Variants in ATP11A observed in about 807,000 individuals in gnomAD.
The protein encoded by ATP11A is ATPase phospholipid transporting 11A.
A neutral mutation model predicts 154.4 loss-of-function variants in ATP11A; 81 were observed. The ratio of observed to expected loss-of-function variants is 0.52; its 90% CI spans 0.44 to 0.63. The LOEUF (loss-of-function observed/expected upper bound fraction) is 0.63, where lower values mean the gene tolerates loss of function less well. ATP11A is among the 30% of genes least tolerant of loss of function. The probability of loss-of-function intolerance (pLI) is 0.00; values close to 1 mark genes in which losing one functional copy is unlikely to be tolerated. For synonymous variants in ATP11A, 623 were observed against 585.9 expected (o/e 1.06, Z -0.91); for missense variants, 1,316 against 1,474.3 (o/e 0.89, Z 1.76).
intron 1 of ATP11A, among the ~76,000 whole-genome samples, chr13:112,761,145 G>A (rs1034993096): frequency 6.6e-6 from 1 of 152,102 alleles, no homozygotes; most frequent in Admixed American, 6.5e-5. Context: ...TCGGTTATCA[G>A]ATCCGTGGTC....
In ATP11A at chr13:112,734,672, G is replaced by A. The variant is rs1890816636; in HGVS notation, c.39+44217G>A. On this transcript the variant is annotated intron_variant, in intron 1 of 29. Coordinates refer to ENST00000375645, the MANE Select transcript of ATP11A (RefSeq NM_015205.3). ...TTTTCATAAATTAGTGGTTTTCAAA[G>A]TGGATAGCAATATGAATATTTCTCT... Among the ~76,000 whole-genome samples the A allele has an allele frequency of 1.3e-5, 2 of 152,212 alleles. 1 individual carries two copies. Among genetic ancestry groups the A allele is most frequent in the Non-Finnish European group, 2.9e-5 (2 of 68,044 alleles).
intron 8 of ATP11A, among the ~76,000 whole-genome samples, chr13:112,822,669 T>A (rs539450226): frequency 2.3e-4 from 35 of 149,880 alleles, no homozygotes; most frequent in African/African-American, 7.7e-4. Context: ...CAAGTTCACC[T>A]GAGCCCAGGA....
intron 1 of ATP11A, among the ~76,000 whole-genome samples, chr13:112,707,930 CT>C (rs1887331913): frequency 6.6e-6 from 1 of 152,210 alleles, no homozygotes; most frequent in African/African-American, 2.4e-5. Flanking sequence ...ACCATTACAT[CT>C]TGAGAAGTAT....
At chr13:112,757,845 CAT>C (rs768172813) in intron 1 of ATP11A, among the ~76,000 whole-genome samples, 28 of 152,346 alleles carry the variant, frequency 1.8e-4, no homozygotes, top group Admixed American at 1.2e-3. Context: ...AGGATGGCGT[CAT>C]GTGTGTGCGG....
intron 2 of ATP11A, among the ~76,000 whole-genome samples, chr13:112,794,677 G>A (rs1425865133): frequency 6.6e-6 from 1 of 152,070 alleles, no homozygotes; most frequent in South Asian, 2.1e-4. Context: ...AGACAAGCCT[G>A]GCCAACATGG....
rs555763617 is a variant in ATP11A at position 112,876,122 on chromosome 13, C to T, written c.3327+181C>T. On this transcript the variant is annotated intron_variant, in intron 28 of 29. Coordinates refer to ENST00000375645, the MANE Select transcript of ATP11A (RefSeq NM_015205.3). ...AAACATCAGGTACATTTGCGATGACCGATGTCTAATTTTATGTTTCAACCT... is the reference window on the plus strand; with the variant it reads ...AAACATCAGGTACATTTGCGATGACTGATGTCTAATTTTATGTTTCAACCT... 1.5e-5 allele frequency: 8 copies of T among 536,582 alleles called. No individual in the cohort carries two copies. The South Asian group carries it at 3.3e-4, about 22-fold the overall frequency. 33.2% of individuals were successfully genotyped at this position (536,582 alleles called of 1,614,324 possible). A position where few individuals can be genotyped will look rare whatever the true frequency, so the allele number is the denominator to read the frequency against.
At chr13:112,866,004 T>A (rs750235196) in intron 25 of ATP11A, among the ~76,000 whole-genome samples, 2 of 152,266 alleles carry the variant, frequency 1.3e-5, no homozygotes, top group Non-Finnish European at 2.9e-5. Context: ...AGTACCATAC[T>A]TAGTCGTCTT....
intron 25 of ATP11A, among the ~76,000 whole-genome samples, chr13:112,869,776 T>C (rs1188594994): frequency 6.6e-6 from 1 of 152,248 alleles, no homozygotes; most frequent in Non-Finnish European, 1.5e-5. Context: ...AGCACCTTGC[T>C]GGCCACATGT....
At chr13:112,833,109 C>T (rs1370116580) in intron 14 of ATP11A, 86 bp downstream of exon 14, 9 of 1,506,922 alleles carry the variant, frequency 6.0e-6, no homozygotes, top group Non-Finnish European at 8.1e-6. Context: ...CACCTAGAGG[C>T]GTCCTCAGCC....
rs143496402 is a variant in ATP11A at position 112,881,880 on chromosome 13, C to T, written c.*14C>T. On this transcript the variant is annotated 3_prime_UTR_variant, in exon 30 of 30. Transcript: ENST00000375645. ...ACCCCTCTTGCCTCTCTGCAGAGCCCAGGCTACCAGAGCACCTGTCCCTCG... is the reference window on the plus strand; with the variant it reads ...ACCCCTCTTGCCTCTCTGCAGAGCCTAGGCTACCAGAGCACCTGTCCCTCG... 1.5e-6 allele frequency: 2 copies of T among 1,367,818 alleles called. No homozygotes were observed. Among genetic ancestry groups the T allele is most frequent in the Non-Finnish European group, 2.0e-6 (2 of 1,021,982 alleles). The allele number at this position is 1,367,818 out of a possible 1,614,324, so 84.7% of individuals were successfully genotyped here.
rs759900395 is a variant in ATP11A, at chr13:112,855,950, C to T, written c.2283C>T (p.Asp761=). Residue 761 remains aspartate (D), a synonymous_variant, in exon 20 of 30, where the codon GAC becomes GAT. Coordinates refer to ENST00000375645, the MANE Select transcript of ATP11A (RefSeq NM_015205.3). The part of the protein sequence containing the change: ...ADMQDYGLII[D]GAALSLIMKP... Reference sequence around the variant, plus strand: ...TGCAGGACTACGGTTTAATTATCGACGGAGCTGCACTGTCTCTGATAATGA... The same window carrying T: ...TGCAGGACTACGGTTTAATTATCGATGGAGCTGCACTGTCTCTGATAATGA... 6.8e-6 allele frequency: 11 copies of T among 1,613,668 alleles called. No individual in the cohort carries two copies. The highest frequency in any genetic ancestry group is 1.7e-5 in the Admixed American group (1 of 59,908).
At position 112,690,319 on chromosome 13, in the gene ATP11A, AGCGGGGGGC is replaced by A; in HGVS notation, c.-93_-85del. 1 of 942,904 alleles carries A rather than the reference AGCGGGGGGC, an allele frequency of 1.1e-6. No homozygotes were observed. Among genetic ancestry groups the A allele is most frequent in the Non-Finnish European group, 1.3e-6 (1 of 749,270 alleles). 58.4% of individuals were successfully genotyped at this position (942,904 alleles called of 1,614,324 possible). A position where few individuals can be genotyped will look rare whatever the true frequency, so the allele number is the denominator to read the frequency against. Reference sequence around the variant, plus strand: ...CCCGGCGCGCCGAGGCCGTGACCGGAGCGGGGGGCGCGGCCGCACTAGTACCCCGGAGCC... The same window carrying A: ...CCCGGCGCGCCGAGGCCGTGACCGGAGCGGCCGCACTAGTACCCCGGAGCC... On this transcript the variant is annotated 5_prime_UTR_variant, in exon 1 of 30. Coordinates refer to ENST00000375645, the MANE Select transcript of ATP11A (RefSeq NM_015205.3). This position sits in a 1 kb window ranked among gnomAD's most constrained non-coding sequence, Gnocchi z 5.6.
chr13:112,716,327 A>G (rs1888459260), intron 1 of ATP11A, among the ~76,000 whole-genome samples: 1 of 152,078 alleles, frequency 6.6e-6, no homozygotes, highest in Non-Finnish European at 1.5e-5. Flanking sequence ...AGCTGTGGGA[A>G]CCCGTGGGAA....
At chr13:112,820,726 A>G (rs886561299) in intron 8 of ATP11A, among the ~76,000 whole-genome samples, 1 of 152,234 alleles carries the variant, frequency 6.6e-6, no homozygotes, top group Non-Finnish European at 1.5e-5. Context: ...ATTGGCTTTC[A>G]CTGGATTTTA....
intron 1 of ATP11A, among the ~76,000 whole-genome samples, chr13:112,778,798 C>T (rs1246715150): frequency 1.0e-5 from 1 of 99,984 alleles, no homozygotes; most frequent in Non-Finnish European, 2.0e-5. Context: ...GAGGAGTAGC[C>T]GCTGGAGTGA....
In ATP11A at chr13:112,832,962, A is replaced by C. The variant is rs751984887; in HGVS notation, c.1498A>C (p.Lys500Gln). 4 of 1,613,544 alleles carry C rather than the reference A, an allele frequency of 2.5e-6. No homozygotes were observed. Among genetic ancestry groups the C allele is most frequent in the Non-Finnish European group, 3.4e-6 (4 of 1,179,824 alleles). ...CCCCAGGAAATCGCCGGACGGGGGGAAATCCTGTGTGTACATCTCATCCTC... is the reference window on the plus strand; with the variant it reads ...CCCCAGGAAATCGCCGGACGGGGGGCAATCCTGTGTGTACATCTCATCCTC... ...DGPRKSPDGG[K>Q]SCVYISSSPD... is the part of the protein sequence containing the mutation. Residue 500 changes from lysine (K) to glutamine (Q), a missense_variant, in exon 14 of 30, where the codon AAA becomes CAA. Around this residue, in one of 5 missense-constraint regions of ATP11A, gnomAD observed 876 missense variants for 1,006.8 expected, o/e 0.87. Coordinates refer to ENST00000375645, the MANE Select transcript of ATP11A (RefSeq NM_015205.3).
intron 8 of ATP11A, among the ~76,000 whole-genome samples, chr13:112,822,277 C>T (rs2078816605): frequency 1.3e-5 from 2 of 152,110 alleles, no homozygotes; most frequent in South Asian, 2.1e-4. Context: ...ATTATTTTTC[C>T]ATCAGCAGGG....
intron 25 of ATP11A, among the ~76,000 whole-genome samples, chr13:112,867,052 G>A (rs965402378): frequency 9.9e-4 from 3 of 3,034 alleles, no homozygotes; most frequent in African/African-American, 2.2e-3. Flanking sequence ...TAAGCATCTC[G>A]CGTAGCCCTT....
At chr13:112,826,595 CGT>C in intron 11 of ATP11A, 97 bp from the exon 12 acceptor site, 1 of 965,070 alleles carries the variant, frequency 1.0e-6, no homozygotes, top group Admixed American at 1.8e-5. Context: ...TAGTAGCGCT[CGT>C]ATAACTTATG....
Sources: gnomAD v4.1 joint callset for allele counts (sites outside exome capture counted in the v4.1 genomes callset) on GRCh38, gnomAD v4.1.1 for gene constraint, gnomAD v4.1.1 regional missense constraint, Gnocchi (gnomAD v3.1) non-coding constraint, MANE v1.5 for transcripts, NCBI Gene and HGNC (gene_info 2026-07-23, HGNC 2026-07-21) for gene names.